Variants in NELL1 observed in about 807,000 individuals in gnomAD.
The protein encoded by NELL1 is neural EGFL like 1.
Under a neutral mutation model 107.4 loss-of-function variants are expected in NELL1, and 76 were observed. The ratio of observed to expected loss-of-function variants is 0.71; its 90% confidence interval spans 0.59 to 0.86. The LOEUF (loss-of-function observed/expected upper bound fraction) is 0.86. NELL1 is among the 40% of genes least tolerant of loss of function. NELL1 has a pLI of 0.00. For synonymous variants in NELL1, 353 were observed against 341.2 expected, an observed-to-expected ratio of 1.03 and a Z score of -0.38; for missense variants, 1,024 against 1,005.5, an observed-to-expected ratio of 1.02 and a Z score of -0.25.
At chr11:21,229,546 G>GGT (rs1315423149) in intron 14 of NELL1, 92 bp downstream of exon 14, 4 of 1,541,060 alleles carry the variant, frequency 2.6e-6, no homozygotes, top group Non-Finnish European at 3.5e-6. Context: ...AACTCTTGGT[G>GGT]GAACACAGCC....
In NELL1 at chr11:21,555,881, T is replaced by C. The variant is rs535752268; in HGVS notation, c.1787-4308T>C. ...TGTCAACCTCATTCTTCATAGTCTG[T>C]GTGCTAAAGGGAACACAATATCCAA... On this transcript the variant is annotated intron_variant, in intron 16 of 19. Coordinates refer to ENST00000357134, the MANE Select transcript of NELL1 (RefSeq NM_006157.5). Among the ~76,000 whole-genome samples the C allele has an allele frequency of 9.9e-5, 15 of 152,000 alleles. No homozygotes were observed. In the East Asian group the frequency reaches 2.5e-3, roughly 26 times the overall value.
intron 12 of NELL1, among the ~76,000 whole-genome samples, chr11:20,971,741 T>C (rs1275048329): frequency 6.6e-6 from 1 of 152,226 alleles, no homozygotes; most frequent in African/African-American, 2.4e-5. Context: ...TCTCATCATT[T>C]TCCCTTTGTA....
At chr11:20,872,653 G>A (rs1056205275) in intron 4 of NELL1, among the ~76,000 whole-genome samples, 2 of 150,026 alleles carry the variant, frequency 1.3e-5, no homozygotes, top group African/African-American at 4.9e-5. Context: ...GCTTGAATGT[G>A]GAGATGCCAG....
intron 3 of NELL1, among the ~76,000 whole-genome samples, chr11:20,839,272 A>T (rs924673203): frequency 1.3e-5 from 2 of 152,192 alleles, no homozygotes; most frequent in African/African-American, 2.4e-5. Flanking sequence ...TTCATTTAAC[A>T]GTGAGTGTTT....
intron 4 of NELL1, among the ~76,000 whole-genome samples, chr11:20,854,341 C>G (rs949133718): frequency 1.3e-5 from 2 of 152,172 alleles, no homozygotes; most frequent in Non-Finnish European, 2.9e-5. Context: ...TCCACCTCTA[C>G]CCTTCTGGGT....
intron 7 of NELL1, chr11:20,926,980 T>G (rs1488708505): frequency 4.2e-6 from 1 of 235,814 alleles, no homozygotes; most frequent in Non-Finnish European, 8.2e-6. Flanking sequence ...TAATGAGTCC[T>G]TGAGAACACA....
chr11:21,533,346 C>T (rs1564945410), intron 15 of NELL1, among the ~76,000 whole-genome samples: 1 of 152,086 alleles, frequency 6.6e-6, no homozygotes, highest in Non-Finnish European at 1.5e-5. Context: ...TTGCAAAGTA[C>T]ATTTTGTTCA....
At chr11:21,083,480 A>C (rs1854315811) in intron 12 of NELL1, among the ~76,000 whole-genome samples, 1 of 152,204 alleles carries the variant, frequency 6.6e-6, no homozygotes, top group Non-Finnish European at 1.5e-5. Flanking sequence ...AACAGGTTAC[A>C]CACTGCTTCT....
chr11:21,095,624 T>C (rs1854623456), intron 12 of NELL1, among the ~76,000 whole-genome samples: 1 of 152,180 alleles, frequency 6.6e-6, no homozygotes, highest in South Asian at 2.1e-4. Context: ...TTTCTTTTTT[T>C]TTCAAGACAG....
intron 5 of NELL1, among the ~76,000 whole-genome samples, chr11:20,906,148 C>T (rs1266737480): frequency 6.6e-6 from 1 of 151,974 alleles, no homozygotes; most frequent in Non-Finnish European, 1.5e-5. Flanking sequence ...AAAGTAGGGT[C>T]ATTACTACTG....
At chr11:21,034,961 T>G (rs1853052165) in intron 12 of NELL1, among the ~76,000 whole-genome samples, 1 of 152,032 alleles carries the variant, frequency 6.6e-6, no homozygotes, top group African/African-American at 2.4e-5. Context: ...ACTCATTCTT[T>G]GAAAAAACTC....
At chr11:21,180,822 A>T (rs976927479) in intron 13 of NELL1, among the ~76,000 whole-genome samples, 16 of 150,898 alleles carry the variant, frequency 1.1e-4, no homozygotes, top group Non-Finnish European at 1.9e-4. Context: ...TGAACATCCA[A>T]CTCTTTTAAA....
intron 13 of NELL1, among the ~76,000 whole-genome samples, chr11:21,195,384 C>T (rs1013808872): frequency 9.2e-5 from 14 of 151,992 alleles, no homozygotes; most frequent in Non-Finnish European, 1.3e-4. Flanking sequence ...ATCAGAAAAT[C>T]GGATCTGACT....
At chr11:20,723,412 G>A (rs932186936) in intron 2 of NELL1, among the ~76,000 whole-genome samples, 1 of 152,100 alleles carries the variant, frequency 6.6e-6, no homozygotes, top group Non-Finnish European at 1.5e-5. Flanking sequence ...CAAAACACAG[G>A]GGCCACAGGC....
chr11:21,554,495 T>C (rs546443116), intron 16 of NELL1, among the ~76,000 whole-genome samples: 3 of 151,916 alleles, frequency 2.0e-5, no homozygotes, highest in African/African-American at 7.2e-5. Flanking sequence ...GCTGGTTGCA[T>C]CATAAGAGAT....
intron 14 of NELL1, among the ~76,000 whole-genome samples, chr11:21,250,477 C>T (rs1590772592): frequency 6.6e-6 from 1 of 152,148 alleles, no homozygotes; most frequent in Non-Finnish European, 1.5e-5. Flanking sequence ...TCTTTTTCCT[C>T]TTCTTCAGAA....
At chr11:21,310,706 G>T (rs905015779) in intron 14 of NELL1, among the ~76,000 whole-genome samples, 1 of 151,978 alleles carries the variant, frequency 6.6e-6, no homozygotes, top group African/African-American at 2.4e-5. Context: ...TGGAAAGATG[G>T]TGTCCAAGCA....
At chr11:20,696,329 G>GT (rs1257305002) in intron 2 of NELL1, among the ~76,000 whole-genome samples, 9 of 151,866 alleles carry the variant, frequency 5.9e-5, no homozygotes, top group Non-Finnish European at 1.2e-4. Context: ...TTTGGGGTTA[G>GT]TTTTTTCTTT....
chr11:20,757,088 C>T (rs1856312683), intron 2 of NELL1, among the ~76,000 whole-genome samples: 1 of 152,000 alleles, frequency 6.6e-6, no homozygotes, highest in Non-Finnish European at 1.5e-5. Flanking sequence ...CTTTCTCTCC[C>T]AACTTTTTTT....
Sources: gnomAD v4.1 joint callset for allele counts (sites outside exome capture counted in the v4.1 genomes callset) on GRCh38, gnomAD v4.1.1 for gene constraint, MANE v1.5 for transcripts, NCBI Gene and HGNC (gene_info 2026-07-23, HGNC 2026-07-21) for gene names.